Variants in FNDC4 observed in about 807,000 individuals in gnomAD.
FNDC4 encodes fibronectin type III domain-containing protein 4.
Under a neutral mutation model 25.1 loss-of-function variants are expected in FNDC4, and 11 were observed. The observed-to-expected ratio is 0.44, with a 90% CI of 0.28 to 0.73. The LOEUF (loss-of-function observed/expected upper bound fraction) is 0.73, where lower values mean the gene tolerates loss of function less well. FNDC4 is among the 30% of genes least tolerant of loss of function. The pLI is 0.16. For synonymous variants in FNDC4, 136 were observed against 118.8 expected, an observed-to-expected ratio of 1.14 and a Z score of -0.94; for missense variants, 250 against 304.3, an observed-to-expected ratio of 0.82 and a Z score of 1.33.
rs1669319535 is a variant in FNDC4 at position 27,493,988 on chromosome 2, C to G, written c.396G>C (p.Arg132=). The change falls in exon 4 of 7, where the codon CGG becomes CGC. Residue 132 remains arginine, a synonymous_variant. Coordinates refer to ENST00000264703, the MANE Select transcript of FNDC4 (RefSeq NM_022823.3). ...GLRGESPPGP[R]VHFRTLKGSD... ...AACCCTTGAGAGTTCGGAAGTGCAC[C>G]CGGGGCCCTGGGGGACTCTCTCCCC... The G allele has an allele frequency of 6.2e-7, 1 of 1,614,232 alleles. No homozygotes were observed.
In FNDC4 at chr2:27,492,362, A is replaced by C; in HGVS notation, c.*81T>G. The C allele has an allele frequency of 6.4e-7, 1 of 1,551,894 alleles. No homozygotes were observed. Among genetic ancestry groups the C allele is most frequent in the Non-Finnish European group, 8.9e-7 (1 of 1,123,500 alleles). On this transcript the variant is annotated 3_prime_UTR_variant, in exon 7 of 7. Coordinates refer to ENST00000264703, the MANE Select transcript of FNDC4 (RefSeq NM_022823.3). The surrounding 1 kb of genome is among the most constrained non-coding windows in gnomAD (Gnocchi z 4.1). ...GCATTACCCTCTGGGAGTCTCGGGC[A>C]GATCACCATCTTGGGCTCCCCCTGA...
chr2:27,493,423 C>T lies in FNDC4; in HGVS notation c.510G>A (p.Val170=). The part of the protein sequence containing the change: ...DGERPLQTGE[V]VIIVVVLLMW... ...TGAGCAACACCACCACAATGATGACCACTTCCCCAGTCTGCAGTGGCCGCT... is the reference window on the plus strand; with the variant it reads ...TGAGCAACACCACCACAATGATGACTACTTCCCCAGTCTGCAGTGGCCGCT... The change falls in exon 5 of 7, where the codon GTG becomes GTA. Residue 170 remains valine, a synonymous_variant. Transcript: ENST00000264703. The T allele has an allele frequency of 6.2e-7, 1 of 1,614,034 alleles. No homozygotes were observed. Among genetic ancestry groups the T allele is most frequent in the Non-Finnish European group, 8.5e-7 (1 of 1,179,902 alleles).
In FNDC4 at chr2:27,494,691, C is replaced by G; in HGVS notation, c.-12G>C. The stretch of plus-strand genomic sequence containing the variant: ...CATCCGCTTGGCATCCGCTTGACAT[C>G]CAGGCGGGGCTCCTGGAGATGGCAG... On this transcript the variant is annotated 5_prime_UTR_variant, in exon 2 of 7. Coordinates refer to ENST00000264703, the MANE Select transcript of FNDC4 (RefSeq NM_022823.3). The surrounding 1 kb of genome is among the most constrained non-coding windows in gnomAD (Gnocchi z 4.6). 1 of 1,525,256 alleles carries G rather than the reference C, an allele frequency of 6.6e-7. No homozygotes were observed. The highest frequency in any genetic ancestry group is 8.8e-7 in the Non-Finnish European group (1 of 1,138,610). The allele number at this position is 1,525,256 out of a possible 1,614,324, so 94.5% of individuals were successfully genotyped here. A position where few individuals can be genotyped will look rare whatever the true frequency, so the allele number is the denominator to read the frequency against.
rs976980992 is a variant in FNDC4, at chr2:27,494,723, T to G, written c.-24-20A>C. ...GGGCTCCTGGAGATGGCAGGAGTTGTGGGGGGTCAAGGACTGCCCAGAACG... is the reference window on the plus strand; with the variant it reads ...GGGCTCCTGGAGATGGCAGGAGTTGGGGGGGGTCAAGGACTGCCCAGAACG... On this transcript the variant is annotated intron_variant, in intron 1 of 6. Transcript: ENST00000264703. This position sits in a 1 kb window ranked among gnomAD's most constrained non-coding sequence, Gnocchi z 4.6. 5.4e-6 allele frequency: 8 copies of G among 1,475,816 alleles called. No homozygotes were observed. In the African/African-American group the frequency reaches 5.7e-5, roughly 10 times the overall value. The allele number at this position is 1,475,816 out of a possible 1,614,324, so 91.4% of individuals were successfully genotyped here. A position where few individuals can be genotyped will look rare whatever the true frequency, so the allele number is the denominator to read the frequency against.
Position 27,494,327 on chromosome 2 carries a change from G to C in FNDC4, c.249+24C>G, listed in dbSNP as rs753670671. 4 of 1,579,138 alleles carry C rather than the reference G, an allele frequency of 2.5e-6. No homozygotes were observed. In the South Asian group the frequency reaches 4.4e-5, roughly 18 times the overall value. On this transcript the variant is annotated intron_variant, in intron 3 of 6. Coordinates refer to ENST00000264703, the MANE Select transcript of FNDC4 (RefSeq NM_022823.3). This position sits in a 1 kb window ranked among gnomAD's most constrained non-coding sequence, Gnocchi z 4.6. ...TGCCGAAATCCAAGGACACAGGTTG[G>C]GGGAGCAGAAGGGTGATTCATACTT...
chr2:27,494,421 G>C lies in FNDC4; in HGVS notation c.179C>G (p.Ala60Gly). ...PVNVTVTHLR[A>G]NSATVSWDVP... ...GTCCCAGGACACAGTGGCCGAGTTG[G>C]CTCTGAGGTGAGTGACCGTCACATT... is the stretch of plus-strand genomic sequence containing the variant. The change falls in exon 3 of 7, where the codon GCC becomes GGC. Residue 60 changes from alanine (A) to glycine (G), a missense_variant. By Grantham distance (60) the Ala-to-Gly change is moderately conservative. Coordinates refer to ENST00000264703, the MANE Select transcript of FNDC4 (RefSeq NM_022823.3). The surrounding 1 kb of genome is among the most constrained non-coding windows in gnomAD (Gnocchi z 4.6). 6.2e-7 allele frequency: 1 copy of C among 1,614,226 alleles called. No individual in the cohort carries two copies. The highest frequency in any genetic ancestry group is 8.5e-7 in the Non-Finnish European group (1 of 1,180,028).
chr2:27,494,306 G>A lies in FNDC4; in HGVS notation c.249+45C>T, dbSNP rs771369565. ...CCCCACTTAAGTGAAGAAATGTGCC[G>A]AAATCCAAGGACACAGGTTGGGGGA... On this transcript the variant is annotated intron_variant, in intron 3 of 6. Coordinates refer to ENST00000264703, the MANE Select transcript of FNDC4 (RefSeq NM_022823.3). This position sits in a 1 kb window ranked among gnomAD's most constrained non-coding sequence, Gnocchi z 4.6. 1.9e-6 allele frequency: 3 copies of A among 1,546,228 alleles called. No individual in the cohort carries two copies. The highest frequency in any genetic ancestry group is 2.7e-6 in the Non-Finnish European group (3 of 1,120,638).
In FNDC4 at chr2:27,494,238, G is replaced by A. The variant is rs1669326320; in HGVS notation, c.250-104C>T. 4.3e-6 allele frequency: 6 copies of A among 1,408,202 alleles called. No individual in the cohort carries two copies. The highest frequency in any genetic ancestry group is 5.9e-6 in the Non-Finnish European group (6 of 1,009,370). The allele number at this position is 1,408,202 out of a possible 1,614,324, so 87.2% of individuals were successfully genotyped here. On this transcript the variant is annotated intron_variant, in intron 3 of 6. Coordinates refer to ENST00000264703, the MANE Select transcript of FNDC4 (RefSeq NM_022823.3). This position sits in a 1 kb window ranked among gnomAD's most constrained non-coding sequence, Gnocchi z 4.6. The stretch of plus-strand genomic sequence containing the variant: ...TCCAAGCACTCCGGGGGAGTAGCGT[G>A]AAAAGGGCAGCCTGAGCCAGGATAC...
At position 27,494,656 on chromosome 2, in the gene FNDC4, G is replaced by A. The variant is rs1290244509; in HGVS notation, c.24C>T (p.Ser8=). The change falls in exon 2 of 7, where the codon TCC becomes TCT. Residue 8 remains serine, a synonymous_variant. Transcript: ENST00000264703. This position sits in a 1 kb window ranked among gnomAD's most constrained non-coding sequence, Gnocchi z 4.6. MPSGCHS[S]PPSGLRGDMA... ...TGTCCCCACGGAGTCCGCTGGGGGG[G>A]GAACTGTGGCATCCGCTTGGCATCC... 2 of 1,572,888 alleles carry A rather than the reference G, an allele frequency of 1.3e-6. No individual in the cohort carries two copies. Among genetic ancestry groups the A allele is most frequent in the Admixed American group, 2.0e-5 (1 of 49,612 alleles).
chr2:27,494,739 G>C lies in FNDC4; in HGVS notation c.-24-36C>G. On this transcript the variant is annotated intron_variant, in intron 1 of 6. Transcript: ENST00000264703. This position sits in a 1 kb window ranked among gnomAD's most constrained non-coding sequence, Gnocchi z 4.6. ...CAGGAGTTGTGGGGGGTCAAGGACT[G>C]CCCAGAACGCACGGAGGTCGGGGGG... is the stretch of plus-strand genomic sequence containing the variant. The C allele has an allele frequency of 7.6e-7, 1 of 1,309,034 alleles. No homozygotes were observed. Among genetic ancestry groups the C allele is most frequent in the Non-Finnish European group, 1.0e-6 (1 of 974,716 alleles). 81.1% of individuals were successfully genotyped at this position (1,309,034 alleles called of 1,614,324 possible).
chr2:27,492,096 G>T lies in FNDC4; in HGVS notation c.*347C>A. ...GAAACACCCCTCTCTGAGGGCCAGA[G>T]GCAAGATGTGGGGCAGCTGGGGATG... On this transcript the variant is annotated 3_prime_UTR_variant, in exon 7 of 7. Transcript: ENST00000264703. This position sits in a 1 kb window ranked among gnomAD's most constrained non-coding sequence, Gnocchi z 4.1. The T allele has an allele frequency of 2.8e-6, 1 of 355,998 alleles. No homozygotes were observed. The highest frequency in any genetic ancestry group is 5.4e-5 in the South Asian group (1 of 18,532). The allele number at this position is 355,998 out of a possible 1,614,324, so 22.1% of individuals were successfully genotyped here. A position where few individuals can be genotyped will look rare whatever the true frequency, so the allele number is the denominator to read the frequency against.
In FNDC4 at chr2:27,492,935, C is replaced by A; in HGVS notation, c.545-145G>T. On this transcript the variant is annotated intron_variant, in intron 5 of 6. Transcript: ENST00000264703. This position sits in a 1 kb window ranked among gnomAD's most constrained non-coding sequence, Gnocchi z 4.1. ...CTCTCTGGGCTCTCAACAGCCTCCT[C>A]TCCCTCTCTTCAAAGTTCAAATCAT... is the stretch of plus-strand genomic sequence containing the variant. 2 of 783,796 alleles carry A rather than the reference C, an allele frequency of 2.6e-6. No homozygotes were observed. Among genetic ancestry groups the A allele is most frequent in the South Asian group, 3.3e-5 (2 of 61,158 alleles). The allele number at this position is 783,796 out of a possible 1,614,324, so 48.6% of individuals were successfully genotyped here.
Position 27,494,657 on chromosome 2 carries a change from G to A in FNDC4, c.23C>T (p.Ser8Phe), listed in dbSNP as rs1453773959. 3 of 1,571,440 alleles carry A rather than the reference G, an allele frequency of 1.9e-6. No individual in the cohort carries two copies. Among genetic ancestry groups the A allele is most frequent in the African/African-American group, 1.4e-5 (1 of 72,808 alleles). The stretch of plus-strand genomic sequence containing the variant: ...GTCCCCACGGAGTCCGCTGGGGGGG[G>A]AACTGTGGCATCCGCTTGGCATCCG... MPSGCHSSPPSGLRGDMA... is the reference protein window; with the variant it reads MPSGCHSFPPSGLRGDMA... Residue 8 changes from serine to phenylalanine, a missense_variant, in exon 2 of 7, where the codon TCC becomes TTC. Ser to Phe is a radical substitution (Grantham distance 155). Transcript: ENST00000264703. This position sits in a 1 kb window ranked among gnomAD's most constrained non-coding sequence, Gnocchi z 4.6.
At position 27,494,445 on chromosome 2, in the gene FNDC4, T is replaced by C. The variant is rs1242167688; in HGVS notation, c.155A>G (p.Asn52Ser). 1 of 1,614,128 alleles carries C rather than the reference T, an allele frequency of 6.2e-7. No individual in the cohort carries two copies. The highest frequency in any genetic ancestry group is 8.5e-7 in the Non-Finnish European group (1 of 1,180,002). ...GGCTCTGAGGTGAGTGACCGTCACA[T>C]TCACAGGAGAGGGAGGCCGGTCTGC... is the stretch of plus-strand genomic sequence containing the variant. ...VRADRPPSPVNVTVTHLRANS... is the reference protein window; with the variant it reads ...VRADRPPSPVSVTVTHLRANS... Residue 52 changes from asparagine (N) to serine (S), a missense_variant, in exon 3 of 7, where the codon AAT (asparagine) becomes AGT (serine). Coordinates refer to ENST00000264703, the MANE Select transcript of FNDC4 (RefSeq NM_022823.3). The surrounding 1 kb of genome is among the most constrained non-coding windows in gnomAD (Gnocchi z 4.6).
In FNDC4 at chr2:27,494,627, G is replaced by A. The variant is rs1433424297; in HGVS notation, c.53C>T (p.Ala18Val). The A allele has an allele frequency of 1.2e-6, 2 of 1,605,480 alleles. No homozygotes were observed. Among genetic ancestry groups the A allele is most frequent in the Non-Finnish European group, 1.7e-6 (2 of 1,176,638 alleles). Reference protein sequence around the residue: ...SPPSGLRGDMASLVPLSPYLS... With the variant: ...SPPSGLRGDMVSLVPLSPYLS... ...ATATGGGGAAAGGGGCACCAGCGAA[G>A]CCATGTCCCCACGGAGTCCGCTGGG... The change falls in exon 2 of 7, where the codon GCT (alanine) becomes GTT (valine). Residue 18 changes from alanine to valine, a missense_variant. By Grantham distance (64) the Ala-to-Val change is moderately conservative. Transcript: ENST00000264703. The surrounding 1 kb of genome is among the most constrained non-coding windows in gnomAD (Gnocchi z 4.6).
In FNDC4 at chr2:27,494,541, A is replaced by G; in HGVS notation, c.133+6T>C. The G allele has an allele frequency of 6.2e-7, 1 of 1,612,226 alleles. No homozygotes were observed. Among genetic ancestry groups the G allele is most frequent in the Non-Finnish European group, 8.5e-7 (1 of 1,179,286 alleles). ...TTGACCCTCAGCCCCGTTCCCCTTT[A>G]CTTACCTGCTCGCACGAAGCCCAGG... On this transcript the variant is annotated splice_donor_region_variant and intron_variant, in intron 2 of 6. Transcript: ENST00000264703. This position sits in a 1 kb window ranked among gnomAD's most constrained non-coding sequence, Gnocchi z 4.6.
chr2:27,494,172 C>A lies in FNDC4; in HGVS notation c.250-38G>T, dbSNP rs1291241397. ...GAGGGGAGAGGAGGACAGCCTCACC[C>A]CAGTGCCAGGCCACAAGGCTCAACC... On this transcript the variant is annotated intron_variant, in intron 3 of 6. Transcript: ENST00000264703. The surrounding 1 kb of genome is among the most constrained non-coding windows in gnomAD (Gnocchi z 4.6). 6.3e-7 allele frequency: 1 copy of A among 1,589,852 alleles called. No individual in the cohort carries two copies. The highest frequency in any genetic ancestry group is 8.6e-7 in the Non-Finnish European group (1 of 1,162,048).
Position 27,494,029 on chromosome 2 carries a change from T to A in FNDC4, c.355A>T (p.Arg119Trp). The A allele has an allele frequency of 6.2e-7, 1 of 1,614,202 alleles. No homozygotes were observed. Among genetic ancestry groups the A allele is most frequent in the Non-Finnish European group, 8.5e-7 (1 of 1,180,010 alleles). The change falls in exon 4 of 7, where the codon AGG (arginine) becomes TGG (tryptophan). Residue 119 changes from arginine to tryptophan, a missense_variant. Arg to Trp is a moderately radical substitution (Grantham distance 101). Coordinates refer to ENST00000264703, the MANE Select transcript of FNDC4 (RefSeq NM_022823.3). This position sits in a 1 kb window ranked among gnomAD's most constrained non-coding sequence, Gnocchi z 4.6. ...CTCTCTCCCCGAAGGCCGATGCTCC[T>A]GACCTGCACTGTGTAGTCACTGTCT... Reference protein sequence around the residue: ...AEDSDYTVQVRSIGLRGESPP... With the variant: ...AEDSDYTVQVWSIGLRGESPP...
At position 27,492,312 on chromosome 2, in the gene FNDC4, T is replaced by C. The variant is rs1669276021; in HGVS notation, c.*131A>G. 8.9e-7 allele frequency: 1 copy of C among 1,118,494 alleles called. No homozygotes were observed. Among genetic ancestry groups the C allele is most frequent in the Non-Finnish European group, 1.4e-6 (1 of 735,136 alleles). The allele number at this position is 1,118,494 out of a possible 1,614,324, so 69.3% of individuals were successfully genotyped here. On this transcript the variant is annotated 3_prime_UTR_variant, in exon 7 of 7. Coordinates refer to ENST00000264703, the MANE Select transcript of FNDC4 (RefSeq NM_022823.3). This position sits in a 1 kb window ranked among gnomAD's most constrained non-coding sequence, Gnocchi z 4.1. ...CTGCTCACAGTGGAAAGAGGATGGG[T>C]ACCAGGCCTGAGATTGTGGGAGTGG...
Sources: gnomAD v4.1 joint callset for allele counts on GRCh38, gnomAD v4.1.1 for gene constraint, Gnocchi (gnomAD v3.1) non-coding constraint, MANE v1.5 for transcripts, NCBI Gene and HGNC (gene_info 2026-07-23, HGNC 2026-07-21) for gene names.